PRKD1: variants seen among roughly 807,000 people sequenced by gnomAD.
The protein encoded by PRKD1 is protein kinase D1.
Under a neutral mutation model 95.9 loss-of-function variants are expected in PRKD1, and 63 were observed. The observed-to-expected ratio is 0.66, with a 90% CI of 0.54 to 0.81. The LOEUF is 0.81. Among genes scored for constraint, PRKD1 ranks in the 30% least tolerant of loss-of-function variants. The probability of loss-of-function intolerance (pLI) is 0.00; values close to 1 mark genes in which losing one functional copy is unlikely to be tolerated. For missense variants in PRKD1, 1,048 were observed against 1,165.3 expected, an observed-to-expected ratio of 0.90 and a Z score of 1.47; for synonymous variants, 425 against 423.1, an observed-to-expected ratio of 1.00 and a Z score of -0.05.
intron 16 of PRKD1, among the ~76,000 whole-genome samples, chr14:29,585,828 T>C (rs1892905031): frequency 6.6e-6 from 1 of 152,222 alleles, no homozygotes; most frequent in Non-Finnish European, 1.5e-5. Flanking sequence ...GTTTTATTTT[T>C]AAATATTGAT....
chr14:29,826,844 C>CACATATATATATATATAT (rs1323754040), intron 1 of PRKD1, among the ~76,000 whole-genome samples: 1 of 28,668 alleles, frequency 3.5e-5, no homozygotes. Context: ...TATATACACA[C>CACATATATATATATATAT]ATATATATAT....
intron 16 of PRKD1, among the ~76,000 whole-genome samples, chr14:29,580,273 G>A (rs973546577): frequency 6.6e-6 from 1 of 152,088 alleles, no homozygotes; most frequent in Non-Finnish European, 1.5e-5. Context: ...GTGTCTGAAG[G>A]GAATGGAATA....
rs756751386 is a variant in PRKD1, at chr14:29,888,849, T to C, written c.264+38400A>G. On this transcript the variant is annotated intron_variant, in intron 1 of 17. Coordinates refer to ENST00000331968, the MANE Select transcript of PRKD1 (RefSeq NM_002742.3). ...ATATATATTCACCCTTATTTCTAAA[T>C]TGATTTGAAAAGCATTCACAGAAAA... Among the ~76,000 whole-genome samples the C allele has an allele frequency of 8.5e-5, 13 of 152,226 alleles. No individual in the cohort carries two copies. In the South Asian group the frequency reaches 2.5e-3, roughly 29 times the overall value.
At chr14:29,902,769 A>T (rs957971467) in intron 1 of PRKD1, among the ~76,000 whole-genome samples, 4 of 152,184 alleles carry the variant, frequency 2.6e-5, no homozygotes, top group African/African-American at 4.8e-5. Context: ...TTTAAATTCA[A>T]TTTTTAAAAG....
At chr14:29,666,047 T>C (rs746494653) in intron 3 of PRKD1, 30 bp downstream of exon 3, 2 of 1,567,054 alleles carry the variant, frequency 1.3e-6, no homozygotes, top group Non-Finnish European at 8.7e-7. Context: ...ACAGCACACA[T>C]TTAACTTGCA....
At chr14:29,578,061 C>T (rs1366897572) in intron 17 of PRKD1, among the ~76,000 whole-genome samples, 2 of 151,492 alleles carry the variant, frequency 1.3e-5, no homozygotes, top group Admixed American at 6.6e-5. Flanking sequence ...TATATGCGTG[C>T]GTGTATCTCT....
intron 2 of PRKD1, among the ~76,000 whole-genome samples, chr14:29,675,923 G>A (rs565420773): frequency 5.8e-5 from 8 of 137,580 alleles, no homozygotes; most frequent in East Asian, 2.2e-4. Context: ...GGTGGGAATT[G>A]AACAATGAGA....
chr14:29,794,076 ATTAGGTATT>A (rs1397872427), intron 1 of PRKD1, among the ~76,000 whole-genome samples: 1 of 152,102 alleles, frequency 6.6e-6, no homozygotes, highest in Non-Finnish European at 1.5e-5. Context: ...TAGATTTATT[ATTAGGTATT>A]TTAAGTTCAA....
chr14:29,764,127 G>A (rs778003624), intron 1 of PRKD1, among the ~76,000 whole-genome samples: 1 of 152,034 alleles, frequency 6.6e-6, no homozygotes, highest in Non-Finnish European at 1.5e-5. Flanking sequence ...TTATCCTAGA[G>A]ATAGACTCAG....
intron 1 of PRKD1, among the ~76,000 whole-genome samples, chr14:29,875,250 G>A (rs187546259): frequency 6.6e-6 from 1 of 152,082 alleles, no homozygotes. Flanking sequence ...TGGGGTGACG[G>A]GGAAGTACAC....
intron 2 of PRKD1, among the ~76,000 whole-genome samples, chr14:29,693,661 AAACCAAC>A (rs1451764772): frequency 1.3e-5 from 2 of 151,208 alleles, no homozygotes; most frequent in African/African-American, 4.8e-5. Context: ...CAAAAAAAAA[AAACCAAC>A]ACCATGGCTA....
intron 1 of PRKD1, among the ~76,000 whole-genome samples, chr14:29,737,328 C>CAAAAAAAAAAAA (rs796557046): frequency 2.4e-4 from 9 of 37,928 alleles, no homozygotes; most frequent in African/African-American, 4.9e-4. Flanking sequence ...GACTCCGTCT[C>CAAAAAAAAAAAA]AAAAAAAAAA....
chr14:29,626,487 C>T lies in PRKD1; in HGVS notation c.1795G>A (p.Gly599Arg). 6.2e-7 allele frequency: 1 copy of T among 1,609,920 alleles called. No homozygotes were observed. Among genetic ancestry groups the T allele is most frequent in the Non-Finnish European group, 8.5e-7 (1 of 1,177,812 alleles). Residue 599 changes from glycine to arginine, a missense_variant, in exon 12 of 18, where the codon GGA (glycine) becomes AGA (arginine). By Grantham distance (125) the Gly-to-Arg change is moderately radical (BLOSUM62 -2). Coordinates refer to ENST00000331968, the MANE Select transcript of PRKD1 (RefSeq NM_002742.3). Reference sequence around the variant, plus strand: ...AATACTCAGTGAGATAACCTACCTCCATAAACAATTCCAAACTGTCCAGAA... The same window carrying T: ...AATACTCAGTGAGATAACCTACCTCTATAAACAATTCCAAACTGTCCAGAA... ...LGSGQFGIVY[G>R]GKHRKTGRDV...
chr14:29,755,640 G>T (rs2139472783), intron 1 of PRKD1, among the ~76,000 whole-genome samples: 1 of 152,194 alleles, frequency 6.6e-6, no homozygotes, highest in East Asian at 1.9e-4. Context: ...TAACTCCTTG[G>T]CCTGAATAAT....
chr14:29,832,307 T>A (rs1252636961), intron 1 of PRKD1, among the ~76,000 whole-genome samples: 1 of 152,208 alleles, frequency 6.6e-6, no homozygotes, highest in Admixed American at 6.5e-5. Context: ...TTTACGCATT[T>A]CCCTGAGTAC....
chr14:29,786,377 C>T (rs569203020), intron 1 of PRKD1, among the ~76,000 whole-genome samples: 1 of 152,194 alleles, frequency 6.6e-6, no homozygotes, highest in East Asian at 1.9e-4. Flanking sequence ...GAAGAATTCC[C>T]TTCTCTTCAA....
At position 29,894,933 on chromosome 14, in the gene PRKD1, G is replaced by A. The variant is rs137982153; in HGVS notation, c.264+32316C>T. On this transcript the variant is annotated intron_variant, in intron 1 of 17. Transcript: ENST00000331968. ...CCTATTTAATTTCTAGACATATGAT[G>A]TCAAAACATGTACGTTTAAATAACA... is the stretch of plus-strand genomic sequence containing the variant. Among the ~76,000 whole-genome samples the A allele has an allele frequency of 1.8e-3, 272 of 152,304 alleles. 4 individuals are homozygous for A. In the East Asian group the frequency reaches 0.018, roughly 10 times the overall value.
intron 1 of PRKD1, among the ~76,000 whole-genome samples, chr14:29,792,503 A>G (rs1171912156): frequency 6.6e-6 from 1 of 152,126 alleles, no homozygotes; most frequent in Non-Finnish European, 1.5e-5. Context: ...GAATAATTGT[A>G]TTCACTATTT....
chr14:29,769,027 G>A (rs1006961183), intron 1 of PRKD1, among the ~76,000 whole-genome samples: 1 of 152,038 alleles, frequency 6.6e-6, no homozygotes, highest in Admixed American at 6.6e-5. Flanking sequence ...AGAGCCAAAT[G>A]TTAGCCTATA....
Sources: allele counts gnomAD v4.1 joint callset (sites outside exome capture counted in the v4.1 genomes callset), GRCh38; gene constraint gnomAD v4.1.1; transcripts MANE v1.5; gene names NCBI Gene and HGNC (gene_info 2026-07-23, HGNC 2026-07-21).